CUBN: variants seen among roughly 807,000 people sequenced by gnomAD.
CUBN encodes the protein 460 kDa receptor.
A neutral mutation model predicts 405.3 loss-of-function variants in CUBN; 282 were observed. That is an observed-to-expected ratio of 0.70 (90% CI 0.63 to 0.77). The LOEUF (loss-of-function observed/expected upper bound fraction) is 0.77, where lower values mean the gene tolerates loss of function less well. Among genes scored for constraint, CUBN ranks in the 30% least tolerant of loss-of-function variants. CUBN has a pLI of 0.00. For missense variants in CUBN, 4,514 were observed against 4,475.2 expected (o/e 1.01, Z -0.25); for synonymous variants, 1,684 against 1,617.0 (o/e 1.04, Z -0.99).
At chr10:17,068,374 A>C in intron 20 of CUBN, 94 bp from the exon 21 acceptor site, 1 of 1,339,310 alleles carries the variant, frequency 7.5e-7, no homozygotes, top group East Asian at 2.4e-5. Flanking sequence ...TCAAAGATTA[A>C]AAGGAAAAAT....
chr10:17,098,572 C>T (rs970781432), intron 14 of CUBN, among the ~76,000 whole-genome samples: 1 of 151,996 alleles, frequency 6.6e-6, no homozygotes, highest in Non-Finnish European at 1.5e-5. Context: ...AGGTCCTAGC[C>T]AGGGCAATAA....
At chr10:16,828,750 A>G in intron 66 of CUBN, 55 bp downstream of exon 66, 5 of 1,357,118 alleles carry the variant, frequency 3.7e-6, no homozygotes, top group Non-Finnish European at 5.3e-6. Flanking sequence ...ACACTAAGTG[A>G]CTCATTATTG....
At chr10:17,023,879 A>G (rs568022924) in intron 27 of CUBN, among the ~76,000 whole-genome samples, 1 of 152,328 alleles carries the variant, frequency 6.6e-6, no homozygotes, top group East Asian at 1.9e-4. Context: ...ATATCTTCAG[A>G]TGCGGAGATG....
chr10:16,875,858 G>A (rs1840483242), intron 57 of CUBN, among the ~76,000 whole-genome samples: 1 of 152,186 alleles, frequency 6.6e-6, no homozygotes, highest in African/African-American at 2.4e-5. Context: ...CCTCTCCAAA[G>A]CAGCAGTTGT....
At chr10:17,019,680 A>G (rs1834439349) in intron 28 of CUBN, among the ~76,000 whole-genome samples, 153 bp downstream of exon 28, 1 of 152,164 alleles carries the variant, frequency 6.6e-6, no homozygotes, top group African/African-American at 2.4e-5. Context: ...AGTTCCACCA[A>G]TATCTAAGTA....
chr10:16,970,402 C>G (rs1843517879), intron 31 of CUBN, among the ~76,000 whole-genome samples: 1 of 152,114 alleles, frequency 6.6e-6, no homozygotes, highest in Non-Finnish European at 1.5e-5. Context: ...TGGTGAAACC[C>G]CATCTCCACT....
At chr10:16,827,889 T>C (rs1838835235) in intron 66 of CUBN, among the ~76,000 whole-genome samples, 1 of 152,080 alleles carries the variant, frequency 6.6e-6, no homozygotes, top group East Asian at 1.9e-4. Context: ...GTGTGAGCCC[T>C]TACTCTCTTT....
At chr10:17,082,086 C>T (rs935823852) in intron 17 of CUBN, among the ~76,000 whole-genome samples, 1 of 152,120 alleles carries the variant, frequency 6.6e-6, no homozygotes, top group South Asian at 2.1e-4. Context: ...TGTCTCTGAA[C>T]TGATAAATTC....
chr10:16,926,427 A>G (rs1842190163), intron 41 of CUBN, among the ~76,000 whole-genome samples: 2 of 152,128 alleles, frequency 1.3e-5, no homozygotes, highest in South Asian at 4.1e-4. Context: ...GATCTCACTT[A>G]AGTTTGAAAA....
chr10:17,023,100 T>C (rs1192838312), intron 27 of CUBN, among the ~76,000 whole-genome samples: 1 of 126,188 alleles, frequency 7.9e-6, no homozygotes, highest in Non-Finnish European at 1.6e-5. Context: ...AAGAGATTTC[T>C]TTTTTTTCCT....
rs181991723 is a variant in CUBN at position 16,937,656 on chromosome 10, C to T, written c.5862G>A (p.Lys1954=). 335 of 1,614,042 alleles carry T rather than the reference C, an allele frequency of 2.1e-4. No individual in the cohort carries two copies. In the East Asian group the frequency reaches 5.1e-3, roughly 24 times the overall value. ...HFYSDSSISG[K]GFLLEWFAVD... is the part of the protein sequence containing the mutation. ...CTGCAAACCACTCCAGAAGGAATCCCTTCCCTGAGATTGAAGAGTCGGAGT... is the reference window on the plus strand; with the variant it reads ...CTGCAAACCACTCCAGAAGGAATCCTTTCCCTGAGATTGAAGAGTCGGAGT... Residue 1954 remains lysine, a synonymous_variant, in exon 39 of 67, where the codon AAG becomes AAA. Coordinates refer to ENST00000377833, the MANE Select transcript of CUBN (RefSeq NM_001081.4).
Position 16,939,026 on chromosome 10 carries a change from G to C in CUBN, c.5670C>G (p.Val1890=). ...WTVNVNASHV[V]HGRILEMDIE... ...TGTCCATCTCCAAGATTCTACCATG[G>C]ACAACGTGAGATGCATTCACATTTA... Residue 1890 remains valine, a synonymous_variant, in exon 38 of 67, where the codon GTC becomes GTG. Coordinates refer to ENST00000377833, the MANE Select transcript of CUBN (RefSeq NM_001081.4). The C allele has an allele frequency of 6.2e-7, 1 of 1,613,836 alleles. No homozygotes were observed. The highest frequency in any genetic ancestry group is 1.7e-5 in the Admixed American group (1 of 60,006).
At chr10:16,891,991 A>G (rs564839295) in intron 54 of CUBN, among the ~76,000 whole-genome samples, 1 of 152,142 alleles carries the variant, frequency 6.6e-6, no homozygotes, top group South Asian at 2.1e-4. Context: ...CATTTTCTTC[A>G]CATGGAATGA....
rs574114011 is a variant in CUBN, at chr10:17,053,499, A to G, written c.3140-5896T>C. On this transcript the variant is annotated intron_variant, in intron 22 of 66. Coordinates refer to ENST00000377833, the MANE Select transcript of CUBN (RefSeq NM_001081.4). ...ATTTATAGAAAGACATTTCATAATG[A>G]CAAAGGGGACAATTTATCAGTAAAA... Among the ~76,000 whole-genome samples the G allele has an allele frequency of 1.4e-3, 212 of 152,250 alleles. 1 individual carries two copies. Among genetic ancestry groups the G allele is most frequent in the Middle Eastern group, 3.4e-3 (1 of 292 alleles).
At chr10:16,837,312 C>A (rs928295136) in intron 62 of CUBN, among the ~76,000 whole-genome samples, 1 of 151,926 alleles carries the variant, frequency 6.6e-6, no homozygotes, top group Non-Finnish European at 1.5e-5. Flanking sequence ...GGGGGCCAGC[C>A]TCGGGGGAAG....
intron 56 of CUBN, among the ~76,000 whole-genome samples, chr10:16,888,097 G>C (rs1167690557): frequency 6.6e-6 from 1 of 152,176 alleles, no homozygotes; most frequent in Non-Finnish European, 1.5e-5. Context: ...TGGAGATTTA[G>C]GATATATTGG....
At chr10:16,983,038 T>A (rs1240178297) in intron 30 of CUBN, among the ~76,000 whole-genome samples, 1 of 152,198 alleles carries the variant, frequency 6.6e-6, no homozygotes, top group Non-Finnish European at 1.5e-5. Flanking sequence ...AGTGCATGCA[T>A]TTAAAAATAA....
intron 39 of CUBN, among the ~76,000 whole-genome samples, chr10:16,936,221 C>A (rs1053718921): frequency 6.6e-6 from 1 of 152,006 alleles, no homozygotes; most frequent in Non-Finnish European, 1.5e-5. Context: ...TAAATAATTC[C>A]TTTTCTACCT....
In CUBN at chr10:17,085,692, G is replaced by A. The variant is rs776433038; in HGVS notation, c.2015C>T (p.Pro672Leu). ...GKFCTTFSVPPLQTTGPFARI... is the reference protein window; with the variant it reads ...GKFCTTFSVPLLQTTGPFARI... ...GGCAAAGGGGCCAGTAGTCTGGAGC[G>A]GTGGGACAGAGAAAGTGGTGCAGAA... Residue 672 changes from proline (P) to leucine (L), a missense_variant, in exon 16 of 67, where the codon CCG (proline) becomes CTG (leucine). By Grantham distance (98) the Pro-to-Leu change is moderately conservative (BLOSUM62 -3). Transcript: ENST00000377833. 1.2e-5 allele frequency: 19 copies of A among 1,613,914 alleles called. No individual in the cohort carries two copies. Among genetic ancestry groups the A allele is most frequent in the Admixed American group, 1.7e-5 (1 of 60,016 alleles).
Sources: allele counts gnomAD v4.1 joint callset (sites outside exome capture counted in the v4.1 genomes callset), GRCh38; gene constraint gnomAD v4.1.1; transcripts MANE v1.5; gene names NCBI Gene and HGNC (gene_info 2026-07-23, HGNC 2026-07-21).